ANTXR2: variants seen among roughly 807,000 people sequenced by gnomAD.
ANTXR2 encodes ANTXR cell adhesion molecule 2, also known as anthrax toxin receptor 2.
In ANTXR2, 44 loss-of-function variants were observed where a neutral mutation model predicts 73.7. The ratio of observed to expected loss-of-function variants is 0.60; its 90% confidence interval spans 0.47 to 0.77. The LOEUF (loss-of-function observed/expected upper bound fraction) is 0.77. ANTXR2 is among the 30% of genes least tolerant of loss of function. The pLI is 0.00. For missense variants in ANTXR2, 604 were observed against 592.5 expected, an observed-to-expected ratio of 1.02 and a Z score of -0.20; for synonymous variants, 217 against 205.9, an observed-to-expected ratio of 1.05 and a Z score of -0.46.
At chr4:80,057,358 T>A (rs1479881954) in intron 3 of ANTXR2, among the ~76,000 whole-genome samples, 2 of 152,008 alleles carry the variant, frequency 1.3e-5, no homozygotes, top group African/African-American at 4.8e-5. Flanking sequence ...TTTGTCATGC[T>A]GCAATATTGT....
At chr4:80,049,931 T>C (rs1345747091) in intron 7 of ANTXR2, among the ~76,000 whole-genome samples, 1 of 151,750 alleles carries the variant, frequency 6.6e-6, no homozygotes, top group African/African-American at 2.4e-5. Context: ...AAAGATTTTA[T>C]ACCTGGAGGT....
At chr4:79,980,111 G>C (rs929307511) in intron 14 of ANTXR2, among the ~76,000 whole-genome samples, 1 of 152,214 alleles carries the variant, frequency 6.6e-6, no homozygotes, top group South Asian at 2.1e-4. Flanking sequence ...CTGACCCAAT[G>C]TGGCATTTCT....
intron 2 of ANTXR2, 48 bp from the exon 3 acceptor site, chr4:80,069,555 T>G (rs1030514768): frequency 3.6e-6 from 5 of 1,395,156 alleles, no homozygotes; most frequent in Non-Finnish European, 4.0e-6. Context: ...AAAAGAAATA[T>G]TGATACGATA....
At chr4:80,068,642 T>G (rs1379362201) in intron 3 of ANTXR2, among the ~76,000 whole-genome samples, 1 of 152,052 alleles carries the variant, frequency 6.6e-6, no homozygotes, top group Non-Finnish European at 1.5e-5. Flanking sequence ...TGTGGTGGCA[T>G]GTGCCTATAA....
chr4:80,017,515 A>G (rs1220318752), intron 11 of ANTXR2, among the ~76,000 whole-genome samples: 3 of 110,400 alleles, frequency 2.7e-5, no homozygotes, highest in African/African-American at 6.5e-5. Flanking sequence ...AGCAAGAACT[A>G]GAAAGTCTTC....
chr4:80,044,421 T>G (rs903336974), intron 7 of ANTXR2, among the ~76,000 whole-genome samples: 1 of 151,920 alleles, frequency 6.6e-6, no homozygotes, highest in Non-Finnish European at 1.5e-5. Flanking sequence ...ATGGATATAG[T>G]TATGGCCTTT....
chr4:79,973,867 T>C (rs572133522), intron 16 of ANTXR2, among the ~76,000 whole-genome samples: 1 of 152,302 alleles, frequency 6.6e-6, no homozygotes, highest in South Asian at 2.1e-4. Flanking sequence ...AGATTTCACA[T>C]AAAACCTCAG....
In ANTXR2 at chr4:79,909,626, T is replaced by C. The variant is rs555287419; in HGVS notation, c.1429-2159A>G. ...TAAGTATCAATTATCAGCTGCCAAA[T>C]GTCTCTAGATATAAGCACCAAAAAA... On this transcript the variant is annotated intron_variant, in intron 16 of 16. Transcript: ENST00000403729. 6.0e-5 allele frequency among the ~76,000 whole-genome samples: 9 copies of C among 150,840 alleles called. No individual in the cohort carries two copies. In the South Asian group the frequency reaches 1.7e-3, roughly 28 times the overall value.
chr4:79,917,204 G>T (rs1032740896), intron 16 of ANTXR2, among the ~76,000 whole-genome samples: 1 of 152,104 alleles, frequency 6.6e-6, no homozygotes, highest in Non-Finnish European at 1.5e-5. Flanking sequence ...TCAACTGAAG[G>T]CTGGGAGAAA....
At chr4:79,915,452 C>T (rs1360966270) in intron 16 of ANTXR2, among the ~76,000 whole-genome samples, 7 of 152,096 alleles carry the variant, frequency 4.6e-5, no homozygotes. Flanking sequence ...ACTGCTATAA[C>T]TGTTATAGTA....
intron 10 of ANTXR2, 94 bp downstream of exon 10, chr4:80,031,529 A>G: frequency 9.6e-7 from 1 of 1,042,562 alleles, no homozygotes; most frequent in Non-Finnish European, 1.3e-6. Context: ...GTATATCAAA[A>G]AAAGATAGAA....
chr4:79,910,808 A>G (rs143003034), intron 16 of ANTXR2, among the ~76,000 whole-genome samples: 1 of 152,284 alleles, frequency 6.6e-6, no homozygotes, highest in African/African-American at 2.4e-5. Context: ...GAGAGAAGAA[A>G]ATACGGAGAA....
chr4:79,933,348 T>G (rs1478389959), intron 16 of ANTXR2, among the ~76,000 whole-genome samples: 1 of 152,176 alleles, frequency 6.6e-6, no homozygotes, highest in Non-Finnish European at 1.5e-5. Flanking sequence ...CTTCAGAAAC[T>G]TTTGCAATTT....
At chr4:80,003,112 G>C (rs576213650) in intron 12 of ANTXR2, among the ~76,000 whole-genome samples, 1 of 152,000 alleles carries the variant, frequency 6.6e-6, no homozygotes. Context: ...ATATGCACAC[G>C]TATGTTTATT....
chr4:80,014,003 C>T (rs1560990374), intron 11 of ANTXR2, among the ~76,000 whole-genome samples: 1 of 152,160 alleles, frequency 6.6e-6, no homozygotes, highest in South Asian at 2.1e-4. Flanking sequence ...GGTGACCCCT[C>T]GGACATTTTC....
intron 16 of ANTXR2, among the ~76,000 whole-genome samples, chr4:79,952,188 T>A (rs1000181365): frequency 6.7e-6 from 1 of 150,236 alleles, no homozygotes; most frequent in Non-Finnish European, 1.5e-5. Flanking sequence ...TTGCTGTTTA[T>A]ATATAAATAT....
At chr4:79,950,567 A>G (rs72871885) in intron 16 of ANTXR2, among the ~76,000 whole-genome samples, 16,009 of 152,214 alleles carry the variant, frequency 0.11, 2,739 homozygotes, top group African/African-American at 0.36. Context: ...GCTATCAAAA[A>G]TGGCAAAGAA....
intron 16 of ANTXR2, chr4:79,964,569 TC>T (rs973130619): frequency 2.6e-5 from 4 of 152,332 alleles, no homozygotes; most frequent in African/African-American, 9.7e-5. Flanking sequence ...CTTTCTGTCC[TC>T]GTCTCCCCAC....
At chr4:80,035,426 T>C (rs574294625) in intron 8 of ANTXR2, among the ~76,000 whole-genome samples, 2 of 152,220 alleles carry the variant, frequency 1.3e-5, no homozygotes, top group South Asian at 4.1e-4. Context: ...TAGGTCAGGC[T>C]TGAAAAAGAA....
Sources: allele counts gnomAD v4.1 joint callset (sites outside exome capture counted in the v4.1 genomes callset), GRCh38; gene constraint gnomAD v4.1.1; transcripts MANE v1.5; gene names NCBI Gene and HGNC (gene_info 2026-07-23, HGNC 2026-07-21).